SAMD5: variants seen among roughly 807,000 people sequenced by gnomAD.
The protein encoded by SAMD5 is sterile alpha motif domain containing 5.
A neutral mutation model predicts 11.3 loss-of-function variants in SAMD5; 13 were observed. That is an observed-to-expected ratio of 1.15 (90% CI 0.75 to 1.83). SAMD5 has a LOEUF of 1.83. Ranked by LOEUF, SAMD5 falls within the 40% of genes most tolerant of loss-of-function variation. The pLI is 0.00. For synonymous variants in SAMD5, 129 were observed against 111.3 expected, an observed-to-expected ratio of 1.16 and a Z score of -1.00; for missense variants, 255 against 239.1, an observed-to-expected ratio of 1.07 and a Z score of -0.44.
the SAMD5 span, among the ~76,000 whole-genome samples, chr6:147,874,506 G>T: frequency 6.6e-6 from 1 of 151,920 alleles, no homozygotes; most frequent in African/African-American, 2.4e-5. Context: ...TAGGGTGTTT[G>T]CTCAGGACAG....
the SAMD5 span, among the ~76,000 whole-genome samples, chr6:147,925,525 G>C: frequency 1.3e-5 from 2 of 151,406 alleles, no homozygotes; most frequent in African/African-American, 2.4e-5. Flanking sequence ...CTAGTATCCT[G>C]GTTGTTGTCT....
chr6:147,794,560 T>TA, the SAMD5 span, among the ~76,000 whole-genome samples: 5 of 152,070 alleles, frequency 3.3e-5, no homozygotes, highest in Non-Finnish European at 5.9e-5. Context: ...TACATTTTTG[T>TA]AAAAAACATA....
chr6:147,801,688 A>G, the SAMD5 span, among the ~76,000 whole-genome samples: 1 of 152,170 alleles, frequency 6.6e-6, no homozygotes, highest in Non-Finnish European at 1.5e-5. Flanking sequence ...TTCTACCTGG[A>G]CTTCCCAAAC....
At chr6:147,734,447 TGG>T (rs1791761695) in intron 1 of SAMD5, among the ~76,000 whole-genome samples, 1 of 152,126 alleles carries the variant, frequency 6.6e-6, no homozygotes, top group Non-Finnish European at 1.5e-5. Context: ...CCGGGCGTGG[TGG>T]CTCACGCCTG....
At chr6:147,849,469 T>C in the SAMD5 span, among the ~76,000 whole-genome samples, 5 of 152,296 alleles carry the variant, frequency 3.3e-5, no homozygotes, top group Admixed American at 3.3e-4. Flanking sequence ...AGGGCTCATA[T>C]ACATGGGTTT....
intron 1 of SAMD5, among the ~76,000 whole-genome samples, chr6:147,687,948 T>A (rs1439888743): frequency 6.6e-6 from 1 of 152,222 alleles, no homozygotes; most frequent in Non-Finnish European, 1.5e-5. Flanking sequence ...TTTAAGTCTT[T>A]CATCAGTTTT....
chr6:147,737,203 T>A, intron 1 of SAMD5: 1 of 349,032 alleles, frequency 2.9e-6, no homozygotes, highest in Non-Finnish European at 5.1e-6. Context: ...TGACAGCATG[T>A]CCCTCCCATC....
chr6:147,895,190 C>G, the SAMD5 span, among the ~76,000 whole-genome samples: 1 of 152,168 alleles, frequency 6.6e-6, no homozygotes, highest in Non-Finnish European at 1.5e-5. Flanking sequence ...GAAATGCTAT[C>G]TTTAATGTAT....
At chr6:147,669,910 C>A (rs1790773468) in intron 1 of SAMD5, among the ~76,000 whole-genome samples, 1 of 152,174 alleles carries the variant, frequency 6.6e-6, no homozygotes, top group Non-Finnish European at 1.5e-5. Context: ...TTAATGACAT[C>A]TAGAATGGTG....
chr6:147,616,521 A>C (rs988196482), intron 1 of SAMD5, among the ~76,000 whole-genome samples: 1 of 152,066 alleles, frequency 6.6e-6, no homozygotes, highest in Admixed American at 6.6e-5. Flanking sequence ...TTCACTAGCC[A>C]TATGATACTT....
chr6:147,831,385 A>C, the SAMD5 span, among the ~76,000 whole-genome samples: 1 of 152,144 alleles, frequency 6.6e-6, no homozygotes, highest in African/African-American at 2.4e-5. Flanking sequence ...TCCACCCCAA[A>C]TCTGCTCAAG....
chr6:147,737,183 T>C, intron 1 of SAMD5: 1 of 301,694 alleles, frequency 3.3e-6, no homozygotes, highest in Non-Finnish European at 6.4e-6. Context: ...TTATCAGGTT[T>C]TTTTATAATT....
chr6:147,509,375 G>A lies in SAMD5; in HGVS notation c.447G>A (p.Pro149=), dbSNP rs1377366079. The A allele has an allele frequency of 6.4e-7, 1 of 1,556,018 alleles. No homozygotes were observed. The highest frequency in any genetic ancestry group is 1.4e-5 in the African/African-American group (1 of 72,144). Residue 149 remains proline (P), a synonymous_variant, in exon 1 of 2, where the codon CCG becomes CCA. Coordinates refer to ENST00000367474, the MANE Select transcript of SAMD5 (RefSeq NM_001030060.3). ...VRDGIHLSKP[P]YSRKVPMAGI... ...ACGGCATCCACCTGAGCAAGCCCCC[G>A]TACTCCCGCAAGGTAAGGAGGTGCC...
rs1393895553 is a variant in SAMD5, at chr6:147,509,195, C to T, written c.267C>T (p.Ala89=). ...CGCCCCCCGGGCCGCCCGCCGACGC[C>T]GTCCCCACCGGCCGCCGGGGGGAGC... is the stretch of plus-strand genomic sequence containing the variant. ...QPAPPGPPAD[A]VPTGRRGEPC... is the part of the protein sequence containing the mutation. The change falls in exon 1 of 2, where the codon GCC becomes GCT. Residue 89 remains alanine, a synonymous_variant. Coordinates refer to ENST00000367474, the MANE Select transcript of SAMD5 (RefSeq NM_001030060.3). The T allele has an allele frequency of 1.7e-5, 22 of 1,291,540 alleles. No homozygotes were observed. The highest frequency in any genetic ancestry group is 2.1e-5 in the Non-Finnish European group (21 of 1,021,866). The allele number at this position is 1,291,540 out of a possible 1,614,324, so 80.0% of individuals were successfully genotyped here.
intron 1 of SAMD5, among the ~76,000 whole-genome samples, chr6:147,592,592 C>T (rs927251512): frequency 4.6e-5 from 7 of 151,888 alleles, no homozygotes; most frequent in Non-Finnish European, 8.8e-5. Flanking sequence ...ACTCTATGCT[C>T]GTAAAAGCCT....
the SAMD5 span, among the ~76,000 whole-genome samples, chr6:147,879,049 T>C: frequency 6.6e-6 from 1 of 152,372 alleles, no homozygotes; most frequent in East Asian, 1.9e-4. Flanking sequence ...GACTTGGATA[T>C]TGAATCCTCA....
the SAMD5 span, among the ~76,000 whole-genome samples, chr6:147,862,782 G>A: frequency 6.6e-6 from 1 of 152,166 alleles, no homozygotes; most frequent in South Asian, 2.1e-4. Flanking sequence ...TCCAAGAATA[G>A]CCTCTTTAAG....
intron 1 of SAMD5, among the ~76,000 whole-genome samples, chr6:147,716,904 C>T (rs866123536): frequency 2.0e-5 from 3 of 152,338 alleles, no homozygotes; most frequent in Admixed American, 6.5e-5. Context: ...CCTGTGACTA[C>T]GATGTCTCTT....
chr6:147,799,182 G>A, the SAMD5 span, among the ~76,000 whole-genome samples: 5 of 151,862 alleles, frequency 3.3e-5, no homozygotes, highest in Admixed American at 2.6e-4. Flanking sequence ...TTTACATTTT[G>A]GCATGATTTT....
Sources: allele counts gnomAD v4.1 joint callset (sites outside exome capture counted in the v4.1 genomes callset), GRCh38; gene constraint gnomAD v4.1.1; transcripts MANE v1.5; gene names NCBI Gene and HGNC (gene_info 2026-07-23, HGNC 2026-07-21).